The following WASHC2C variants were observed in gnomAD, a reference collection of about 807,000 sequenced individuals.
The protein encoded by WASHC2C is Vaccinia Penetration Factor.
Under a neutral mutation model 142.2 loss-of-function variants are expected in WASHC2C, and 73 were observed. That is an observed-to-expected ratio of 0.51 (90% CI 0.43 to 0.62). The LOEUF (loss-of-function observed/expected upper bound fraction) is 0.62, where lower values mean the gene tolerates loss of function less well. WASHC2C is among the 20% of genes least tolerant of loss of function. The pLI is 0.00. For missense variants in WASHC2C, 969 were observed against 1,531.7 expected, an observed-to-expected ratio of 0.63 and a Z score of 6.13; for synonymous variants, 337 against 565.5, an observed-to-expected ratio of 0.60 and a Z score of 5.73.
chr10:45,732,907 A>G (rs1554862910), intron 3 of WASHC2C, among the ~76,000 whole-genome samples: 1 of 152,298 alleles, frequency 6.6e-6, no homozygotes, highest in Non-Finnish European at 1.5e-5. Context: ...CAAAAGCCTT[A>G]TTAACATATA....
At chr10:45,772,441 G>A (rs1379160975) in intron 20 of WASHC2C, among the ~76,000 whole-genome samples, 2 of 152,168 alleles carry the variant, frequency 1.3e-5, no homozygotes, top group Non-Finnish European at 2.9e-5. Flanking sequence ...ATCTGGCCAG[G>A]TGCAACGGCT....
intron 28 of WASHC2C, 39 bp downstream of exon 28, chr10:45,787,286 AAC>A (rs1302454407): frequency 2.2e-6 from 2 of 909,120 alleles, no homozygotes; most frequent in African/African-American, 3.3e-5. Context: ...CTCTTCTTTT[AAC>A]CAGAACATGC....
chr10:45,758,066 C>CTT (rs879948679), intron 16 of WASHC2C, among the ~76,000 whole-genome samples: 1 of 148,480 alleles, frequency 6.7e-6, no homozygotes, highest in Non-Finnish European at 1.5e-5. Flanking sequence ...CCTCCCACAT[C>CTT]TTTTTTTTTT....
chr10:45,761,582 CTAAG>C (rs2055092290), intron 17 of WASHC2C, among the ~76,000 whole-genome samples: 1 of 152,146 alleles, frequency 6.6e-6, no homozygotes, highest in African/African-American at 2.4e-5. Context: ...CTAAGGCAGT[CTAAG>C]TAAGAGTTAA....
At chr10:45,758,801 T>C (rs1196548918) in intron 16 of WASHC2C, among the ~76,000 whole-genome samples, 3 of 150,258 alleles carry the variant, frequency 2.0e-5, no homozygotes, top group South Asian at 2.1e-4. Flanking sequence ...GTTTTGCCCA[T>C]GTTGGCCAAA....
Position 45,727,309 on chromosome 10 carries a change from G to A in WASHC2C, c.-9G>A, listed in dbSNP as rs1347045210. ...GCAGCCTCGGAGCCCACCGAGCCGG[G>A]CGGCTGGGATGGTGAGGGCGGCGGG... On this transcript the variant is annotated 5_prime_UTR_variant, in exon 1 of 31. Transcript: ENST00000623400. 11 of 1,571,024 alleles carry A rather than the reference G, an allele frequency of 7.0e-6. No individual in the cohort carries two copies. The highest frequency in any genetic ancestry group is 1.4e-5 in the African/African-American group (1 of 73,964).
intron 18 of WASHC2C, among the ~76,000 whole-genome samples, chr10:45,764,737 G>A (rs1391424499): frequency 1.4e-4 from 21 of 152,382 alleles, no homozygotes; most frequent in African/African-American, 5.1e-4. Context: ...TTAAGCTCAT[G>A]TGGCTTAACA....
rs754295913 is a variant in WASHC2C at position 45,727,273 on chromosome 10, G to C, written c.-45G>C. 7.1e-6 allele frequency: 11 copies of C among 1,546,730 alleles called. No individual in the cohort carries two copies. The highest frequency in any genetic ancestry group is 8.7e-6 in the Non-Finnish European group (10 of 1,147,166). On this transcript the variant is annotated 5_prime_UTR_variant, in exon 1 of 31. Coordinates refer to ENST00000623400, the MANE Select transcript of WASHC2C (RefSeq NM_001330074.2). ...AGGCTTCCGGGGCTCTGCGGTCCTC[G>C]GCCTGTGCTGGCAGCCTCGGAGCCC...
At chr10:45,790,651 A>G in intron 30 of WASHC2C, 118 bp downstream of exon 30, 3 of 1,028,982 alleles carry the variant, frequency 2.9e-6, no homozygotes, top group Non-Finnish European at 4.5e-6. Context: ...GGTTCACTTC[A>G]GTGTAATCCT....
chr10:45,757,549 C>T, intron 16 of WASHC2C, among the ~76,000 whole-genome samples: 1 of 152,152 alleles, frequency 6.6e-6, no homozygotes, highest in South Asian at 2.1e-4. Context: ...ATAGTAGAAT[C>T]TAATATCTAG....
Position 45,786,671 on chromosome 10 carries a change from A to G in WASHC2C, c.2871A>G (p.Ile957Met). The stretch of plus-strand genomic sequence containing the variant: ...AACCATCCACTCGGATCGGGAAGAT[A>G]CAAGTAATTAAAACACTGGAATCTT... ...TKEPSTRIGK[I>M]QANLAINPAA... The change falls in exon 27 of 31, where the codon ATA becomes ATG. Residue 957 changes from isoleucine (I) to methionine (M), a missense_variant. Transcript: ENST00000623400. The G allele has an allele frequency of 1.2e-6, 2 of 1,611,872 alleles. No homozygotes were observed. Among genetic ancestry groups the G allele is most frequent in the Non-Finnish European group, 1.7e-6 (2 of 1,179,708 alleles).
intron 3 of WASHC2C, among the ~76,000 whole-genome samples, chr10:45,737,768 A>AT (rs782072881): frequency 0.02 from 2,735 of 135,734 alleles, 38 homozygotes; most frequent in Non-Finnish European, 0.027. Flanking sequence ...TTGTATTTAA[A>AT]TTTTTTTTTT....
chr10:45,746,553 T>G, intron 7 of WASHC2C, 47 bp from the exon 8 acceptor site: 1 of 1,603,502 alleles, frequency 6.2e-7, no homozygotes, highest in South Asian at 1.1e-5. Flanking sequence ...TTTCTGTGCT[T>G]CTAAGTAAAG....
chr10:45,757,059 C>G lies in WASHC2C; in HGVS notation c.1468C>G (p.Leu490Val). Residue 490 changes from leucine (L) to valine (V), a missense_variant, in exon 16 of 31, where the codon CTG becomes GTG. By Grantham distance (32) the Leu-to-Val change is conservative. Transcript: ENST00000623400. The part of the protein sequence containing the change: ...ADIFGDEEGD[L>V]FKEKAVASPE... ...TATCTTTGGTGACGAAGAAGGAGAT[C>G]TGTTCAAAGAAAAAGCCGTAGCATC... 4 of 1,606,722 alleles carry G rather than the reference C, an allele frequency of 2.5e-6. No homozygotes were observed. Among genetic ancestry groups the G allele is most frequent in the South Asian group, 2.2e-5 (2 of 90,706 alleles).
chr10:45,728,004 C>A (rs938669965), intron 2 of WASHC2C, among the ~76,000 whole-genome samples: 5 of 152,198 alleles, frequency 3.3e-5, no homozygotes, highest in Non-Finnish European at 7.3e-5. Flanking sequence ...AACCCTTGGT[C>A]TGTGATCTCT....
At chr10:45,750,888 C>T (rs782462716) in intron 10 of WASHC2C, 50 bp downstream of exon 10, 6 of 1,493,446 alleles carry the variant, frequency 4.0e-6, no homozygotes, top group African/African-American at 2.9e-5. Context: ...AGTGCAGGGC[C>T]CTCTGCTGGC....
chr10:45,777,003 A>G (rs2057147338), intron 21 of WASHC2C, among the ~76,000 whole-genome samples: 1 of 151,396 alleles, frequency 6.6e-6, no homozygotes, highest in African/African-American at 2.4e-5. Context: ...GGCAGAGATA[A>G]GGATCTGAGG....
chr10:45,788,225 G>A (rs1446026564), intron 28 of WASHC2C, among the ~76,000 whole-genome samples: 2 of 152,068 alleles, frequency 1.3e-5, no homozygotes, highest in African/African-American at 2.4e-5. Flanking sequence ...CTACTTGATT[G>A]TATATTTTGG....
rs782646815 is a variant in WASHC2C, at chr10:45,786,657, C to T, written c.2857C>T (p.Arg953Trp). 5.0e-6 allele frequency: 8 copies of T among 1,611,856 alleles called. No individual in the cohort carries two copies. The highest frequency in any genetic ancestry group is 1.1e-5 in the South Asian group (1 of 90,988). The change falls in exon 27 of 31, where the codon CGG becomes TGG. Residue 953 changes from arginine to tryptophan, a missense_variant. Physicochemically the swap from Arg to Trp is moderately radical, Grantham distance 101. Coordinates refer to ENST00000623400, the MANE Select transcript of WASHC2C (RefSeq NM_001330074.2). ...ATTTAAAACCAAAGAACCATCCACT[C>T]GGATCGGGAAGATACAAGTAATTAA... is the stretch of plus-strand genomic sequence containing the variant. ...APFKTKEPSTRIGKIQANLAI... is the reference protein window; with the variant it reads ...APFKTKEPSTWIGKIQANLAI...
Sources: gnomAD v4.1 joint callset for allele counts (sites outside exome capture counted in the v4.1 genomes callset) on GRCh38, gnomAD v4.1.1 for gene constraint, MANE v1.5 for transcripts, NCBI Gene and HGNC (gene_info 2026-07-23, HGNC 2026-07-21) for gene names.